PFDN1: variants seen among roughly 807,000 people sequenced by gnomAD.
The protein encoded by PFDN1 is prefoldin 1.
PFDN1 carries 6 observed loss-of-function variants against 17.3 expected under a neutral mutation model. The ratio of observed to expected loss-of-function variants is 0.35; its 90% confidence interval spans 0.19 to 0.69. PFDN1 has a LOEUF of 0.69. Ranked by LOEUF, PFDN1 falls within the 30% of genes least tolerant of loss-of-function variation. PFDN1 has a pLI of 0.65. For missense variants in PFDN1, 113 were observed against 146.2 expected, an observed-to-expected ratio of 0.77 and a Z score of 1.17; for synonymous variants, 58 against 50.1, an observed-to-expected ratio of 1.16 and a Z score of -0.67.
At chr5:140,280,906 C>A (rs1285855178) in intron 3 of PFDN1, 4 of 152,058 alleles carry the variant, frequency 2.6e-5, no homozygotes, top group South Asian at 4.1e-4. Context: ...TACCTATCAT[C>A]TTTTTCCCTA....
At chr5:140,274,551 T>TCTA (rs1377422165) in intron 3 of PFDN1, among the ~76,000 whole-genome samples, 1 of 152,208 alleles carries the variant, frequency 6.6e-6, no homozygotes, top group Admixed American at 6.5e-5. Flanking sequence ...GCATCACTGG[T>TCTA]CTACTAATCA....
chr5:140,278,571 AAAAAAAAAAAAAAAAAC>A (rs1177139535), intron 3 of PFDN1, among the ~76,000 whole-genome samples: 4 of 150,516 alleles, frequency 2.7e-5, no homozygotes, highest in African/African-American at 9.7e-5. Flanking sequence ...AAAAAAAAAA[AAAAAAAAAAAAAAAAAC>A]AAAAAACAAA....
At chr5:140,249,996 C>G (rs926655404) in intron 3 of PFDN1, among the ~76,000 whole-genome samples, 3 of 152,176 alleles carry the variant, frequency 2.0e-5, no homozygotes, top group Non-Finnish European at 4.4e-5. Flanking sequence ...CCTATGCACA[C>G]CACAGCAGGG....
intron 3 of PFDN1, among the ~76,000 whole-genome samples, chr5:140,251,277 C>T (rs6863474): frequency 0.47 from 71,818 of 151,964 alleles, 17,212 homozygotes; most frequent in South Asian, 0.71. Flanking sequence ...CCCCATAAAT[C>T]TATACAATTA....
intron 3 of PFDN1, among the ~76,000 whole-genome samples, chr5:140,258,492 C>T (rs1369672337): frequency 1.3e-5 from 2 of 150,288 alleles, no homozygotes; most frequent in Non-Finnish European, 2.9e-5. Flanking sequence ...AGAATACACG[C>T]GTGAATGTTG....
At chr5:140,276,391 T>C (rs888785964) in intron 3 of PFDN1, among the ~76,000 whole-genome samples, 1 of 152,118 alleles carries the variant, frequency 6.6e-6, no homozygotes, top group Non-Finnish European at 1.5e-5. Context: ...GAAGGATTAG[T>C]AGATGGAATT....
chr5:140,250,603 G>T (rs1263688475), intron 3 of PFDN1, among the ~76,000 whole-genome samples: 1 of 152,182 alleles, frequency 6.6e-6, no homozygotes, highest in Non-Finnish European at 1.5e-5. Flanking sequence ...ACCTGATACG[G>T]TCCTACCGTC....
At chr5:140,295,425 T>C (rs1239530178) in intron 2 of PFDN1, among the ~76,000 whole-genome samples, 1 of 152,130 alleles carries the variant, frequency 6.6e-6, no homozygotes, top group African/African-American at 2.4e-5. Flanking sequence ...CCTCCTTGCA[T>C]GCTAGAAAGA....
At chr5:140,295,727 C>T (rs367732157) in intron 2 of PFDN1, among the ~76,000 whole-genome samples, 4 of 152,202 alleles carry the variant, frequency 2.6e-5, no homozygotes, top group South Asian at 2.1e-4. Flanking sequence ...TGTAGCTTGA[C>T]TTTCCTTGTT....
chr5:140,269,696 A>G (rs1765179055), intron 3 of PFDN1, among the ~76,000 whole-genome samples: 3 of 152,166 alleles, frequency 2.0e-5, no homozygotes, highest in African/African-American at 7.2e-5. Flanking sequence ...CCATCTTTTC[A>G]TTTTAAGGGG....
chr5:140,279,000 G>C (rs145866103), intron 3 of PFDN1, among the ~76,000 whole-genome samples: 293 of 136,580 alleles, frequency 2.1e-3, no homozygotes, highest in African/African-American at 7.3e-3. Flanking sequence ...TCATGGTAAG[G>C]AGCCCATGAT....
intron 2 of PFDN1, among the ~76,000 whole-genome samples, chr5:140,295,979 C>G (rs1233638054): frequency 6.6e-6 from 1 of 152,076 alleles, no homozygotes; most frequent in African/African-American, 2.4e-5. Flanking sequence ...CAAGCATAAT[C>G]TTTAAGGTTT....
intron 3 of PFDN1, among the ~76,000 whole-genome samples, chr5:140,279,995 C>CAAAAAAAAAAAAAAAAAA (rs772575762): frequency 1.1e-3 from 35 of 31,240 alleles, no homozygotes; most frequent in African/African-American, 2.5e-3. Flanking sequence ...AACTCCGTCT[C>CAAAAAAAAAAAAAAAAAA]AAAAAAAAAA....
At chr5:140,266,862 T>C (rs1765140495) in intron 3 of PFDN1, among the ~76,000 whole-genome samples, 1 of 152,258 alleles carries the variant, frequency 6.6e-6, no homozygotes, top group South Asian at 2.1e-4. Context: ...CTTCTATTAT[T>C]ATGAAGAAGT....
At chr5:140,267,958 A>T (rs1765157396) in intron 3 of PFDN1, among the ~76,000 whole-genome samples, 1 of 152,382 alleles carries the variant, frequency 6.6e-6, no homozygotes, top group Admixed American at 6.5e-5. Context: ...AAGCAGAGTC[A>T]AACGAACTAA....
At chr5:140,273,706 C>A (rs1765246990) in intron 3 of PFDN1, 1 of 154,224 alleles carries the variant, frequency 6.5e-6, no homozygotes, top group African/African-American at 2.4e-5. Flanking sequence ...TTTCAACAGC[C>A]CTGGGATTGC....
intron 2 of PFDN1, among the ~76,000 whole-genome samples, chr5:140,295,021 A>C (rs1376550946): frequency 6.6e-6 from 1 of 151,984 alleles, no homozygotes; most frequent in Non-Finnish European, 1.5e-5. Context: ...AAAAGGCACT[A>C]ATTGTTCTTT....
At chr5:140,263,849 G>A (rs548427067) in intron 3 of PFDN1, among the ~76,000 whole-genome samples, 66 of 151,440 alleles carry the variant, frequency 4.4e-4, no homozygotes, top group Non-Finnish European at 6.9e-4. Context: ...GTGAAACCCC[G>A]TCTCTACTAA....
At chr5:140,288,113 G>C (rs779149245) in intron 2 of PFDN1, among the ~76,000 whole-genome samples, 4 of 152,184 alleles carry the variant, frequency 2.6e-5, no homozygotes, top group Non-Finnish European at 5.9e-5. Context: ...ATGTGCAAAT[G>C]TTTACAGCTG....
Sources: allele counts gnomAD v4.1 joint callset (sites outside exome capture counted in the v4.1 genomes callset), GRCh38; gene constraint gnomAD v4.1.1; transcripts MANE v1.5; gene names NCBI Gene and HGNC (gene_info 2026-07-23, HGNC 2026-07-21).